The following TMEM131 variants were observed in gnomAD, a reference collection of about 807,000 sequenced individuals.
TMEM131 encodes the protein 2610524E03Rik.
TMEM131 carries 66 observed loss-of-function variants against 211.6 expected under a neutral mutation model. That is an observed-to-expected ratio of 0.31 (90% CI 0.26 to 0.38). TMEM131 has a LOEUF of 0.38. TMEM131 is among the 10% of genes least tolerant of loss of function. TMEM131 has a pLI of 1.00. For missense variants in TMEM131, 2,036 were observed against 2,299.3 expected (o/e 0.89, Z 2.34); for synonymous variants, 844 against 841.3 (o/e 1.00, Z -0.06).
intron 3 of TMEM131, among the ~76,000 whole-genome samples, chr2:97,898,682 T>A (rs1273490097): frequency 6.6e-6 from 1 of 152,198 alleles, no homozygotes; most frequent in East Asian, 1.9e-4. Context: ...GTCTATTGTT[T>A]AAGCCACCCA....
intron 1 of TMEM131, among the ~76,000 whole-genome samples, chr2:97,933,583 T>G (rs1314460445): frequency 2.6e-5 from 4 of 152,126 alleles, no homozygotes; most frequent in Non-Finnish European, 4.4e-5. Context: ...ACACTTAAAA[T>G]AGTTATAAAT....
chr2:97,929,058 T>C (rs1291923442), intron 1 of TMEM131, among the ~76,000 whole-genome samples: 1 of 151,738 alleles, frequency 6.6e-6, no homozygotes, highest in African/African-American at 2.4e-5. Context: ...TCTTGTGTTC[T>C]AATATTATTT....
At chr2:97,962,960 A>G (rs905516002) in intron 1 of TMEM131, among the ~76,000 whole-genome samples, 2 of 152,242 alleles carry the variant, frequency 1.3e-5, no homozygotes, top group African/African-American at 4.8e-5. Flanking sequence ...CAGCAGCTAC[A>G]GAAAGTGACA....
chr2:97,964,171 C>G (rs1678941820), intron 1 of TMEM131, among the ~76,000 whole-genome samples: 2 of 152,178 alleles, frequency 1.3e-5, no homozygotes, highest in Non-Finnish European at 2.9e-5. Flanking sequence ...CAAGAAATCT[C>G]CTATGTCCCC....
chr2:97,791,379 CAG>C (rs1680490965), intron 31 of TMEM131, among the ~76,000 whole-genome samples: 2 of 152,210 alleles, frequency 1.3e-5, no homozygotes, highest in Non-Finnish European at 2.9e-5. Flanking sequence ...TAGTAAGAAA[CAG>C]TGACTTCCGT....
intron 17 of TMEM131, 116 bp downstream of exon 17, chr2:97,812,305 C>A: frequency 1.7e-6 from 2 of 1,179,486 alleles, no homozygotes; most frequent in Admixed American, 2.9e-5. Context: ...AGCAAGTAAC[C>A]AACACTATTA....
chr2:97,956,567 T>G (rs1001758382), intron 1 of TMEM131, among the ~76,000 whole-genome samples: 10 of 152,124 alleles, frequency 6.6e-5, no homozygotes, highest in Non-Finnish European at 1.2e-4. Flanking sequence ...AGACTTAAAG[T>G]TTGGAAAATT....
At chr2:97,979,107 T>C (rs1400458596) in intron 1 of TMEM131, among the ~76,000 whole-genome samples, 2 of 152,222 alleles carry the variant, frequency 1.3e-5, no homozygotes, top group Non-Finnish European at 2.9e-5. Flanking sequence ...AGTAATATTT[T>C]TTCCGAGCAG....
chr2:97,875,244 T>G (rs1674645508), intron 4 of TMEM131, among the ~76,000 whole-genome samples: 1 of 152,204 alleles, frequency 6.6e-6, no homozygotes, highest in Non-Finnish European at 1.5e-5. Flanking sequence ...CAAAGAGACT[T>G]AAACTCCCAC....
Position 97,805,648 on chromosome 2 carries a change from T to C in TMEM131, c.2111A>G (p.Lys704Arg). The C allele has an allele frequency of 3.7e-6, 6 of 1,610,098 alleles. No homozygotes were observed. The highest frequency in any genetic ancestry group is 5.1e-6 in the Non-Finnish European group (6 of 1,177,130). ...TGACAAAGATCGTATTTGCTGTATT[T>C]TTACCTTCTGTGAGAAGGAATTCAT... is the stretch of plus-strand genomic sequence containing the variant. ...NIMNSFSQKV[K>R]IQQIRSLSED... is the part of the protein sequence containing the mutation. Residue 704 changes from lysine (K) to arginine (R), a missense_variant, in exon 20 of 41, where the codon AAA becomes AGA. Physicochemically the swap from Lys to Arg is conservative, Grantham distance 26 (BLOSUM62 2). Transcript: ENST00000186436.
At chr2:97,873,072 C>T (rs913321634) in intron 4 of TMEM131, among the ~76,000 whole-genome samples, 1 of 152,202 alleles carries the variant, frequency 6.6e-6, no homozygotes, top group Non-Finnish European at 1.5e-5. Flanking sequence ...GAGGGGCGTC[C>T]GCCATTGCTA....
intron 4 of TMEM131, among the ~76,000 whole-genome samples, chr2:97,885,261 G>A (rs572061800): frequency 2.8e-5 from 4 of 145,338 alleles, no homozygotes; most frequent in South Asian, 2.1e-4. Context: ...GCAGTGGCGC[G>A]ATCTCCGCTC....
At chr2:97,820,863 A>G (rs1682084027) in intron 11 of TMEM131, among the ~76,000 whole-genome samples, 1 of 152,172 alleles carries the variant, frequency 6.6e-6, no homozygotes, top group South Asian at 2.1e-4. Flanking sequence ...CTAAAAAAAA[A>G]AAAAAGCAGC....
chr2:97,891,986 A>G (rs1170838349), intron 3 of TMEM131, among the ~76,000 whole-genome samples: 1 of 152,188 alleles, frequency 6.6e-6, no homozygotes, highest in East Asian at 1.9e-4. Context: ...TAAAACTATC[A>G]AAGTCACCAG....
chr2:97,906,353 A>T (rs1448826417), intron 3 of TMEM131, among the ~76,000 whole-genome samples: 1 of 152,198 alleles, frequency 6.6e-6, no homozygotes, highest in African/African-American at 2.4e-5. Context: ...CCAACTCATG[A>T]TCCTGGTCAC....
intron 1 of TMEM131, among the ~76,000 whole-genome samples, chr2:97,951,704 C>G (rs1000870409): frequency 6.6e-6 from 1 of 152,282 alleles, no homozygotes; most frequent in East Asian, 1.9e-4. Flanking sequence ...AAAACACAAA[C>G]ACGCATACAC....
At position 97,758,912 on chromosome 2, in the gene TMEM131, G is replaced by A. The variant is rs776186043; in HGVS notation, c.5348C>T (p.Ser1783Phe). ...PSPSWPASSG[S>F]PTHTATSVLG... ...ACTCACTGTGGCTGTGTGGGTCGGG[G>A]AGCCGGAACTGGCTGGCCAGGAAGG... is the stretch of plus-strand genomic sequence containing the variant. Residue 1783 changes from serine (S) to phenylalanine (F), a missense_variant, in exon 40 of 41, where the codon TCC becomes TTC. Ser to Phe is a radical substitution (Grantham distance 155). This residue lies in a region of TMEM131 where 1,623 missense variants were observed against 1,805.9 expected (regional missense o/e 0.90). Coordinates refer to ENST00000186436, the MANE Select transcript of TMEM131 (RefSeq NM_015348.2). 5 of 1,612,868 alleles carry A rather than the reference G, an allele frequency of 3.1e-6. No homozygotes were observed. The South Asian group carries it at 5.5e-5, about 18-fold the overall frequency.
chr2:97,845,934 A>G (rs1683407360), intron 5 of TMEM131, among the ~76,000 whole-genome samples: 1 of 152,224 alleles, frequency 6.6e-6, no homozygotes, highest in Non-Finnish European at 1.5e-5. Context: ...AAGGAGTATT[A>G]CAAGCAACTC....
intron 1 of TMEM131, among the ~76,000 whole-genome samples, chr2:97,932,843 T>C (rs1458076692): frequency 4.6e-5 from 7 of 152,174 alleles, no homozygotes; most frequent in Non-Finnish European, 8.8e-5. Context: ...TAAACCTAAA[T>C]AGGCTGACTG....
Sources: gnomAD v4.1 joint callset for allele counts (sites outside exome capture counted in the v4.1 genomes callset) on GRCh38, gnomAD v4.1.1 for gene constraint, gnomAD v4.1.1 regional missense constraint, MANE v1.5 for transcripts, NCBI Gene and HGNC (gene_info 2026-07-23, HGNC 2026-07-21) for gene names.